Variants in NAV2 observed in about 807,000 individuals in gnomAD.
NAV2 encodes neuron navigator 2, also known as helicase, APC down-regulated 1.
NAV2 carries 54 observed loss-of-function variants against 223.2 expected under a neutral mutation model. The observed-to-expected ratio is 0.24, with a 90% CI of 0.19 to 0.30. NAV2 has a LOEUF of 0.30. Among genes scored for constraint, NAV2 ranks in the 10% least tolerant of loss-of-function variants. The probability of loss-of-function intolerance (pLI) is 1.00; values close to 1 mark genes in which losing one functional copy is unlikely to be tolerated. For synonymous variants in NAV2, 1,279 were observed against 1,239.3 expected (o/e 1.03, Z -0.67); for missense variants, 2,806 against 3,147.5 (o/e 0.89, Z 2.60).
At chr11:19,732,965 G>A (rs138120105) in intron 1 of NAV2, among the ~76,000 whole-genome samples, 2 of 152,214 alleles carry the variant, frequency 1.3e-5, no homozygotes, top group Non-Finnish European at 2.9e-5. Flanking sequence ...CAATTATGCA[G>A]TTGGCATGGA....
intron 22 of NAV2, among the ~76,000 whole-genome samples, chr11:20,070,868 T>C (rs1034499391): frequency 6.6e-6 from 1 of 152,192 alleles, no homozygotes; most frequent in African/African-American, 2.4e-5. Flanking sequence ...AAAAATGGGA[T>C]CCTCTGGATC....
chr11:19,784,565 T>C (rs1026109338), intron 1 of NAV2, among the ~76,000 whole-genome samples: 2 of 152,102 alleles, frequency 1.3e-5, no homozygotes, highest in Non-Finnish European at 2.9e-5. Context: ...AAGGGAGTAC[T>C]AATGATAATT....
At chr11:19,583,611 C>T (rs189369655) in intron 1 of NAV2, among the ~76,000 whole-genome samples, 1,907 of 152,226 alleles carry the variant, frequency 0.013, 39 homozygotes, top group African/African-American at 0.043. Flanking sequence ...TTGTTGAAGG[C>T]CTTTTCTGCA....
At chr11:19,849,484 G>A (rs907383336) in intron 3 of NAV2, among the ~76,000 whole-genome samples, 2 of 152,304 alleles carry the variant, frequency 1.3e-5, no homozygotes, top group Admixed American at 6.5e-5. Flanking sequence ...AATTGGCCTC[G>A]AAGAGCCCTG....
At chr11:19,808,776 T>G (rs1048370787) in intron 1 of NAV2, among the ~76,000 whole-genome samples, 2 of 152,238 alleles carry the variant, frequency 1.3e-5, no homozygotes, top group Non-Finnish European at 2.9e-5. Context: ...TTTTTTCCCC[T>G]TAGAAATAAA....
intron 20 of NAV2, among the ~76,000 whole-genome samples, chr11:20,063,523 C>T (rs2058840315): frequency 6.6e-6 from 1 of 152,128 alleles, no homozygotes; most frequent in African/African-American, 2.4e-5. Flanking sequence ...CAGGCAGGCA[C>T]CACCATGCCT....
Position 20,054,209 on chromosome 11 carries a change from C to T in NAV2, c.4611C>T (p.Pro1537=), listed in dbSNP as rs1482952226. Residue 1537 remains proline, a synonymous_variant, in exon 18 of 38, where the codon CCC becomes CCT. Transcript: ENST00000349880. ...PFSSGSSVTS[P]SGTRFNFSQL... is the part of the protein sequence containing the mutation. Reference sequence around the variant, plus strand: ...CCTCTGGCTCCAGCGTGACTTCTCCCTCCGGAACAAGATTCAACTTTTCCC... The same window carrying T: ...CCTCTGGCTCCAGCGTGACTTCTCCTTCCGGAACAAGATTCAACTTTTCCC... The T allele has an allele frequency of 5.0e-6, 8 of 1,611,904 alleles. No homozygotes were observed. Among genetic ancestry groups the T allele is most frequent in the South Asian group, 1.1e-5 (1 of 90,530 alleles).
chr11:19,469,308 C>T (rs1224253101), intron 1 of NAV2, among the ~76,000 whole-genome samples: 4 of 152,210 alleles, frequency 2.6e-5, no homozygotes, highest in African/African-American at 9.6e-5. Flanking sequence ...GAAGCCATCT[C>T]TTTAGGCTGT....
At chr11:19,962,257 G>A (rs562411033) in intron 10 of NAV2, among the ~76,000 whole-genome samples, 2 of 151,920 alleles carry the variant, frequency 1.3e-5, no homozygotes, top group South Asian at 4.2e-4. Flanking sequence ...CTGATTGGAT[G>A]AGACCCACCT....
At chr11:20,030,915 C>T (rs2055660403) in intron 11 of NAV2, among the ~76,000 whole-genome samples, 1 of 152,232 alleles carries the variant, frequency 6.6e-6, no homozygotes, top group African/African-American at 2.4e-5. Flanking sequence ...TAAATACATA[C>T]TGATTAACCC....
intron 1 of NAV2, among the ~76,000 whole-genome samples, chr11:19,718,492 G>A (rs1379360251): frequency 6.8e-6 from 1 of 147,516 alleles, no homozygotes; most frequent in East Asian, 1.9e-4. Flanking sequence ...CATAGAGGAG[G>A]CCCCTGGGAA....
chr11:19,384,338 G>A (rs1361837176), intron 1 of NAV2, among the ~76,000 whole-genome samples: 1 of 152,180 alleles, frequency 6.6e-6, no homozygotes, highest in Non-Finnish European at 1.5e-5. Flanking sequence ...AGAGTAAAAT[G>A]AGTTATAAAA....
At chr11:19,568,902 T>TGG (rs1271096708) in intron 1 of NAV2, among the ~76,000 whole-genome samples, 1 of 152,228 alleles carries the variant, frequency 6.6e-6, no homozygotes, top group Admixed American at 6.5e-5. Flanking sequence ...TGTACTGCCC[T>TGG]GGGTCTCCTA....
chr11:19,669,253 C>G lies in NAV2; in HGVS notation c.76-163231C>G, dbSNP rs149203780. Among the ~76,000 whole-genome samples the G allele has an allele frequency of 2.6e-5, 4 of 152,358 alleles. No individual in the cohort carries two copies. In the East Asian group the frequency reaches 7.7e-4, roughly 29 times the overall value. On this transcript the variant is annotated intron_variant, in intron 1 of 37. Transcript: ENST00000360655. ...AGGCTCCAGCCATGTTGGACACCTA[C>G]ATGCACTGTCACTCCAGTGTTCTCA... is the stretch of plus-strand genomic sequence containing the variant.
chr11:20,107,441 G>C, intron 35 of NAV2: 1 of 569,278 alleles, frequency 1.8e-6, no homozygotes, highest in Non-Finnish European at 3.1e-6. Context: ...TCCCCATAAA[G>C]CCTTTCCTGG....
At chr11:19,372,732 A>G (rs982817115) in intron 1 of NAV2, among the ~76,000 whole-genome samples, 21 of 152,200 alleles carry the variant, frequency 1.4e-4, no homozygotes, top group Admixed American at 3.3e-4. Context: ...GAGAGATATT[A>G]GTAATAAGTA....
intron 1 of NAV2, among the ~76,000 whole-genome samples, chr11:19,653,193 G>C (rs553228308): frequency 6.6e-6 from 1 of 152,298 alleles, no homozygotes; most frequent in East Asian, 1.9e-4. Context: ...CTCTGATGTG[G>C]CTGTGTTTCT....
chr11:20,050,098 T>C (rs1325017138), intron 16 of NAV2, among the ~76,000 whole-genome samples, 197 bp downstream of exon 16: 1 of 152,150 alleles, frequency 6.6e-6, no homozygotes, highest in African/African-American at 2.4e-5. Context: ...GAGGTGGAGT[T>C]GGGCTGGCCT....
In NAV2 at chr11:19,841,865, T is replaced by C. The variant is rs192902207; in HGVS notation, c.386-1006T>C. Among the ~76,000 whole-genome samples, 7 of 152,342 alleles carry C rather than the reference T, an allele frequency of 4.6e-5. No individual in the cohort carries two copies. The East Asian group carries it at 1.3e-3, about 29-fold the overall frequency. On this transcript the variant is annotated intron_variant, in intron 2 of 37. Transcript: ENST00000349880. The stretch of plus-strand genomic sequence containing the variant: ...CCATTTAGAGAATACTTACTACGTG[T>C]TGGGCACCGTGCTAAGCATTTTACT...
Sources: allele counts gnomAD v4.1 joint callset (sites outside exome capture counted in the v4.1 genomes callset), GRCh38; gene constraint gnomAD v4.1.1; transcripts MANE v1.5; gene names NCBI Gene and HGNC (gene_info 2026-07-23, HGNC 2026-07-21).